CSMD1: variants seen among roughly 807,000 people sequenced by gnomAD.
CSMD1 encodes CUB and Sushi multiple domains 1.
A neutral mutation model predicts 417.5 loss-of-function variants in CSMD1; 213 were observed. The observed-to-expected ratio is 0.51, with a 90% CI of 0.46 to 0.57. The LOEUF (loss-of-function observed/expected upper bound fraction) is 0.57, where lower values mean the gene tolerates loss of function less well. CSMD1 is among the 20% of genes least tolerant of loss of function. The pLI, the probability that CSMD1 is intolerant of heterozygous loss-of-function variation, is 0.00. For missense variants in CSMD1, 6,923 were observed against 4,529.7 expected, an observed-to-expected ratio of 1.53 and a Z score of -15.17; for synonymous variants, 2,862 against 1,736.8, an observed-to-expected ratio of 1.65 and a Z score of -16.11.
intron 46 of CSMD1, among the ~76,000 whole-genome samples, chr8:3,100,466 G>A (rs932388182): frequency 1.3e-5 from 2 of 152,214 alleles, no homozygotes; most frequent in Non-Finnish European, 2.9e-5. Context: ...GAGTGGGAGA[G>A]CTGAAAGGGA....
chr8:3,128,064 A>T (rs558998423), intron 41 of CSMD1: 2 of 152,324 alleles, frequency 1.3e-5, no homozygotes, highest in South Asian at 4.1e-4. Context: ...ACATGGCAAA[A>T]TTTTTATGAG....
chr8:3,681,351 C>A (rs1445475450), intron 7 of CSMD1, among the ~76,000 whole-genome samples: 2 of 152,096 alleles, frequency 1.3e-5, no homozygotes, highest in Non-Finnish European at 2.9e-5. Context: ...TCTCAGGATA[C>A]AAAATCAATG....
intron 25 of CSMD1, among the ~76,000 whole-genome samples, chr8:3,295,252 G>C (rs1803881649): frequency 6.6e-6 from 1 of 152,026 alleles, no homozygotes; most frequent in African/African-American, 2.4e-5. Flanking sequence ...AGCCTCCCGA[G>C]TAGCTGGGAC....
At chr8:4,223,521 C>T (rs1258477476) in intron 3 of CSMD1, among the ~76,000 whole-genome samples, 1 of 152,194 alleles carries the variant, frequency 6.6e-6, no homozygotes, top group African/African-American at 2.4e-5. Context: ...TCTACCACAC[C>T]ACTGCTCGTT....
chr8:3,614,980 G>T (rs1802066675), intron 8 of CSMD1, among the ~76,000 whole-genome samples: 1 of 152,202 alleles, frequency 6.6e-6, no homozygotes. Flanking sequence ...ACACAAGGAA[G>T]GAATACATAG....
chr8:4,150,081 T>C (rs1484888898), intron 3 of CSMD1, among the ~76,000 whole-genome samples: 1 of 152,170 alleles, frequency 6.6e-6, no homozygotes, highest in Non-Finnish European at 1.5e-5. Context: ...GTAAGTAAAA[T>C]GAACTCGTTT....
At chr8:4,664,540 A>G (rs1369705651) in intron 1 of CSMD1, among the ~76,000 whole-genome samples, 2 of 152,200 alleles carry the variant, frequency 1.3e-5, no homozygotes, top group African/African-American at 2.4e-5. Flanking sequence ...CACCCTCGGC[A>G]ATACAGCAAG....
intron 53 of CSMD1, among the ~76,000 whole-genome samples, chr8:2,998,982 C>T (rs1254642228): frequency 6.6e-6 from 1 of 152,088 alleles, no homozygotes; most frequent in South Asian, 2.1e-4. Context: ...TTGTCTACTT[C>T]ATAGGAAAAT....
intron 3 of CSMD1, among the ~76,000 whole-genome samples, chr8:4,255,036 G>A (rs1803357641): frequency 6.6e-6 from 1 of 152,184 alleles, no homozygotes; most frequent in Non-Finnish European, 1.5e-5. Context: ...TCGTACCATA[G>A]AGGAGTTGAT....
At chr8:3,881,177 A>C (rs1746082698) in intron 5 of CSMD1, among the ~76,000 whole-genome samples, 1 of 152,164 alleles carries the variant, frequency 6.6e-6, no homozygotes, top group African/African-American at 2.4e-5. Flanking sequence ...CAATATTTTA[A>C]AGATGGCAAT....
chr8:3,439,298 T>TAA (rs1563390431), intron 12 of CSMD1, among the ~76,000 whole-genome samples: 894 of 59,764 alleles, frequency 0.015, 54 homozygotes, highest in African/African-American at 0.082. Flanking sequence ...TATATATATA[T>TAA]ATATATATAT....
At chr8:3,691,173 C>G (rs1015429957) in intron 7 of CSMD1, among the ~76,000 whole-genome samples, 2 of 151,878 alleles carry the variant, frequency 1.3e-5, no homozygotes, top group East Asian at 3.9e-4. Context: ...TTGAGACCAG[C>G]GTGACCAACA....
In CSMD1 at chr8:3,709,690, T is replaced by TGC. The variant is rs1160376320; in HGVS notation, c.932-1200_932-1199insGC. On this transcript the variant is annotated intron_variant, in intron 6 of 69. Coordinates refer to ENST00000635120, the MANE Select transcript of CSMD1 (RefSeq NM_033225.6). ...AAATTGCAGCAGCATGTTTTTTTTTTTTTTTTTTTTTTTTTTTTTCCCTGC... is the reference window on the plus strand; with the variant it reads ...AAATTGCAGCAGCATGTTTTTTTTTTGCTTTTTTTTTTTTTTTTTTTCCCTGC... Among the ~76,000 whole-genome samples, 13 of 118,606 alleles carry TGC rather than the reference T, an allele frequency of 1.1e-4. 2 individuals are homozygous for TGC. Among genetic ancestry groups the TGC allele is most frequent in the East Asian group, 4.6e-4 (2 of 4,382 alleles). The allele number at this position is 118,606 out of a possible 152,430, so 77.8% of individuals were successfully genotyped here. A position where few individuals can be genotyped will look rare whatever the true frequency, so the allele number is the denominator to read the frequency against.
At chr8:3,678,203 C>T (rs1446149178) in intron 7 of CSMD1, among the ~76,000 whole-genome samples, 5 of 152,150 alleles carry the variant, frequency 3.3e-5, no homozygotes, top group Non-Finnish European at 5.9e-5. Flanking sequence ...CTTTGATGAG[C>T]TGAGAGAAGA....
At chr8:3,984,399 C>T (rs1422839109) in intron 5 of CSMD1, among the ~76,000 whole-genome samples, 1 of 152,082 alleles carries the variant, frequency 6.6e-6, no homozygotes, top group Admixed American at 6.6e-5. Flanking sequence ...CAATTCTAAA[C>T]TGGTGAGTAC....
intron 7 of CSMD1, among the ~76,000 whole-genome samples, chr8:3,638,652 G>C (rs1797159893): frequency 6.6e-6 from 1 of 152,288 alleles, no homozygotes; most frequent in African/African-American, 2.4e-5. Context: ...ACATGGGCAA[G>C]ATGTACCTAG....
chr8:3,964,364 T>G (rs184935174), intron 5 of CSMD1, among the ~76,000 whole-genome samples: 13 of 152,330 alleles, frequency 8.5e-5, no homozygotes, highest in Admixed American at 8.5e-4. Context: ...TACAACTTAA[T>G]TCACATTTGT....
At chr8:3,920,524 G>C (rs187821707) in intron 5 of CSMD1, among the ~76,000 whole-genome samples, 1 of 151,970 alleles carries the variant, frequency 6.6e-6, no homozygotes, top group African/African-American at 2.4e-5. Flanking sequence ...TATTAAGTAC[G>C]TTTGGCACGA....
chr8:4,711,129 A>G (rs1808267035), intron 1 of CSMD1, among the ~76,000 whole-genome samples: 1 of 151,692 alleles, frequency 6.6e-6, no homozygotes, highest in Non-Finnish European at 1.5e-5. Context: ...AGTTTGGTAA[A>G]ATGGATGAAA....
Sources: gnomAD v4.1 joint callset for allele counts (sites outside exome capture counted in the v4.1 genomes callset) on GRCh38, gnomAD v4.1.1 for gene constraint, MANE v1.5 for transcripts, NCBI Gene and HGNC (gene_info 2026-07-23, HGNC 2026-07-21) for gene names.